Variants in SOD2 observed in about 807,000 individuals in gnomAD.
SOD2 encodes superoxide dismutase [Mn], mitochondrial.
In SOD2, 11 loss-of-function variants were observed where a neutral mutation model predicts 27.0. The observed-to-expected ratio is 0.41, with a 90% CI of 0.26 to 0.67. SOD2 has a LOEUF of 0.67. Ranked by LOEUF, SOD2 falls within the 30% of genes least tolerant of loss-of-function variation. The pLI is 0.34. For synonymous variants in SOD2, 105 were observed against 103.0 expected, an observed-to-expected ratio of 1.02 and a Z score of -0.12; for missense variants, 250 against 274.5, an observed-to-expected ratio of 0.91 and a Z score of 0.63.
intron 1 of SOD2, chr6:159,712,720 A>G (rs373450657): frequency 3.6e-5 from 14 of 394,102 alleles, no homozygotes; most frequent in African/African-American, 3.0e-4. Flanking sequence ...AACCACCTCC[A>G]TAACCACCAC....
chr6:159,701,437 A>T (rs369123682), intron 1 of SOD2, among the ~76,000 whole-genome samples: 1 of 152,110 alleles, frequency 6.6e-6, no homozygotes, highest in Non-Finnish European at 1.5e-5. Context: ...TGGGCGTGAT[A>T]GCACATGCCT....
chr6:159,758,690 G>A (rs1029566609), intron 1 of SOD2, among the ~76,000 whole-genome samples: 9 of 152,134 alleles, frequency 5.9e-5, no homozygotes, highest in Non-Finnish European at 8.8e-5. Flanking sequence ...GGAGTGTTGA[G>A]CTAGCCCCTA....
chr6:159,750,867 T>C (rs1025345349), intron 1 of SOD2, among the ~76,000 whole-genome samples: 4 of 152,200 alleles, frequency 2.6e-5, no homozygotes, highest in African/African-American at 9.7e-5. Context: ...TTTCCAGTGG[T>C]GGAATGGGTT....
intron 1 of SOD2, among the ~76,000 whole-genome samples, chr6:159,708,137 T>C (rs1220880479): frequency 6.6e-6 from 1 of 152,128 alleles, no homozygotes; most frequent in Non-Finnish European, 1.5e-5. Flanking sequence ...TAAGAGCTAT[T>C]TATGACAAAC....
intron 1 of SOD2, chr6:159,755,228 T>C (rs954041350): frequency 1.1e-5 from 18 of 1,614,072 alleles, no homozygotes; most frequent in African/African-American, 2.7e-5. Flanking sequence ...AAGTAAAGAC[T>C]GCAGTCGTCT....
intron 3 of SOD2, 95 bp from the exon 4 acceptor site, chr6:159,685,128 T>C: frequency 2.5e-6 from 2 of 791,820 alleles, no homozygotes; most frequent in Non-Finnish European, 3.5e-6. Context: ...ATTTTTGTCA[T>C]AGGGCCCAAG....
chr6:159,692,469 C>A (rs1202062347), intron 2 of SOD2, 192 bp downstream of exon 2: 21 of 1,441,106 alleles, frequency 1.5e-5, no homozygotes, highest in Non-Finnish European at 1.9e-5. Context: ...TGTGTTCAAA[C>A]CCATCGAGGC....
intron 1 of SOD2, among the ~76,000 whole-genome samples, chr6:159,734,392 A>T (rs1217126442): frequency 6.8e-6 from 1 of 147,872 alleles, no homozygotes; most frequent in Non-Finnish European, 1.5e-5. Context: ...AAAAAAAAAA[A>T]TTCAGTTTAA....
intron 1 of SOD2, among the ~76,000 whole-genome samples, chr6:159,739,824 CTTTTTTTTTTTTTTTTTT>C (rs56389349): frequency 2.3e-5 from 2 of 85,158 alleles, no homozygotes; most frequent in African/African-American, 9.2e-5. Context: ...CACTTTTTAC[CTTTTTTTTTTTTTTTTTT>C]TTTTTTTTTT....
intron 1 of SOD2, among the ~76,000 whole-genome samples, chr6:159,701,365 G>T (rs182079194): frequency 2.0e-5 from 3 of 152,274 alleles, no homozygotes; most frequent in Non-Finnish European, 4.4e-5. Context: ...CTAACTTAAA[G>T]TGATTATAAG....
At chr6:159,721,326 C>T (rs1778036508) in intron 1 of SOD2, among the ~76,000 whole-genome samples, 1 of 151,914 alleles carries the variant, frequency 6.6e-6, no homozygotes, top group South Asian at 2.1e-4. Flanking sequence ...CTCGGCCTCC[C>T]AAAGTGCTGG....
upstream of SOD2, chr6:159,749,276 T>A (rs373306588): frequency 1.0e-6 from 1 of 985,860 alleles, no homozygotes; most frequent in Non-Finnish European, 1.2e-6. Flanking sequence ...TTTTTTTTAG[T>A]GAATTTTATG....
At chr6:159,741,162 A>G (rs745886135) in intron 1 of SOD2, among the ~76,000 whole-genome samples, 7 of 152,154 alleles carry the variant, frequency 4.6e-5, no homozygotes, top group Non-Finnish European at 2.9e-5. Flanking sequence ...TCCATTAGGA[A>G]CTGCCTAATA....
intron 1 of SOD2, among the ~76,000 whole-genome samples, chr6:159,735,141 T>A (rs1778826516): frequency 6.6e-6 from 1 of 151,920 alleles, no homozygotes; most frequent in African/African-American, 2.4e-5. Context: ...TGTATGTGAG[T>A]TTTTGTTGTT....
intron 1 of SOD2, chr6:159,755,741 T>C: frequency 8.3e-7 from 1 of 1,199,848 alleles, no homozygotes. Context: ...TTGTTGTTTT[T>C]TTTCTTTGTT....
chr6:159,727,845 C>G, upstream of SOD2: 1 of 545,278 alleles, frequency 1.8e-6, no homozygotes, highest in Middle Eastern at 9.9e-4. Context: ...CTCTCGTGAG[C>G]CGCTCTACCT....
upstream of SOD2, among the ~76,000 whole-genome samples, chr6:159,697,244 T>G (rs1390818988): frequency 6.6e-6 from 1 of 152,196 alleles, no homozygotes; most frequent in Non-Finnish European, 1.5e-5. Flanking sequence ...TTAGCTACAT[T>G]CTCTTGTTTT....
Position 159,682,286 on chromosome 6 carries a change from C to T in SOD2, c.*207G>A, listed in dbSNP as rs1278767688. The T allele has an allele frequency of 1.4e-5, 6 of 423,612 alleles. No individual in the cohort carries two copies. The allele number at this position is 423,612 out of a possible 1,614,324, so 26.2% of individuals were successfully genotyped here. A position where few individuals can be genotyped will look rare whatever the true frequency, so the allele number is the denominator to read the frequency against. On this transcript the variant is annotated 3_prime_UTR_variant, in exon 5 of 5. Coordinates refer to ENST00000538183, the MANE Select transcript of SOD2 (RefSeq NM_000636.4). Reference sequence around the variant, plus strand: ...GAAAATGTCCAATCAGATTCAATCACACAAAGCATTTACTATTTTCAATCA... The same window carrying T: ...GAAAATGTCCAATCAGATTCAATCATACAAAGCATTTACTATTTTCAATCA...
chr6:159,749,114 G>A, upstream of SOD2: 1 of 986,308 alleles, frequency 1.0e-6, no homozygotes, highest in Non-Finnish European at 1.2e-6. Flanking sequence ...TCTTTGAATG[G>A]TTGCAAAAAC....
Sources: allele counts gnomAD v4.1 joint callset (sites outside exome capture counted in the v4.1 genomes callset), GRCh38; gene constraint gnomAD v4.1.1; transcripts MANE v1.5; gene names NCBI Gene and HGNC (gene_info 2026-07-23, HGNC 2026-07-21).